CA2: variants seen among roughly 807,000 people sequenced by gnomAD.
The protein encoded by CA2 is carbonic anhydrase 2.
CA2 carries 23 observed loss-of-function variants against 27.8 expected under a neutral mutation model. The ratio of observed to expected loss-of-function variants is 0.83; its 90% confidence interval spans 0.59 to 1.17. The LOEUF is 1.17. CA2 is among the 50% of genes most tolerant of loss of function. CA2 has a pLI of 0.00. For synonymous variants in CA2, 99 were observed against 114.9 expected (o/e 0.86, Z 0.88); for missense variants, 300 against 314.7 (o/e 0.95, Z 0.35).
chr8:85,464,010 C>T lies in CA2; in HGVS notation c.-72C>T. 4.8e-6 allele frequency: 7 copies of T among 1,469,514 alleles called. No homozygotes were observed. Among genetic ancestry groups the T allele is most frequent in the Non-Finnish European group, 6.5e-6 (7 of 1,084,522 alleles). 91.0% of individuals were successfully genotyped at this position (1,469,514 alleles called of 1,614,324 possible). On this transcript the variant is annotated 5_prime_UTR_variant, in exon 1 of 7. Coordinates refer to ENST00000285379, the MANE Select transcript of CA2 (RefSeq NM_000067.3). ...GGTGCCGGCGCGACCCGCGGACACA[C>T]AGTGCAGGCGCCCAAGCCGCCGCCG...
In CA2 at chr8:85,475,778, C is replaced by A; in HGVS notation, c.445-20C>A. 1.2e-6 allele frequency: 2 copies of A among 1,610,852 alleles called. No homozygotes were observed. Among genetic ancestry groups the A allele is most frequent in the South Asian group, 2.2e-5 (2 of 90,994 alleles). On this transcript the variant is annotated intron_variant, in intron 4 of 6. Transcript: ENST00000285379. ...GTACCAACTGGGTGATAGTATCTTG[C>A]CCTTTATGTTTTTCTTTAGGTTGGC... is the stretch of plus-strand genomic sequence containing the variant.
Position 85,480,545 on chromosome 8 carries a change from AG to A in CA2, c.664-124del, listed in dbSNP as rs1811873605. ...CCCGCCTCATGCCTCAGCCTTACAA[AG>A]TGCTGGGATTACAGGCATGAGCCAC... On this transcript the variant is annotated intron_variant, in intron 6 of 6. Coordinates refer to ENST00000285379, the MANE Select transcript of CA2 (RefSeq NM_000067.3). The A allele has an allele frequency of 2.0e-5, 18 of 914,916 alleles. No homozygotes were observed. In the South Asian group the frequency reaches 2.4e-4, roughly 12 times the overall value. 56.7% of individuals were successfully genotyped at this position (914,916 alleles called of 1,614,324 possible). A position where few individuals can be genotyped will look rare whatever the true frequency, so the allele number is the denominator to read the frequency against.
rs370524498 is a variant in CA2 at position 85,478,080 on chromosome 8, A to G, written c.663+805A>G. Among the ~76,000 whole-genome samples the G allele has an allele frequency of 1.8e-4, 27 of 152,358 alleles. No homozygotes were observed. The South Asian group carries it at 3.5e-3, about 20-fold the overall frequency. ...TAGAGGTTTAGAGCTGCAATGTGCA[A>G]TAGAGATCATGTTGTCCAACTTTCT... On this transcript the variant is annotated intron_variant, in intron 6 of 6. Coordinates refer to ENST00000285379, the MANE Select transcript of CA2 (RefSeq NM_000067.3).
At chr8:85,480,429 G>T (rs1314292393) in intron 6 of CA2, among the ~76,000 whole-genome samples, 4 of 98,706 alleles carry the variant, frequency 4.1e-5, no homozygotes, top group Non-Finnish European at 6.4e-5. Context: ...TTTAATTTTT[G>T]TGTGTGTGTG....
chr8:85,480,445 G>GTGTGTT (rs1554548325), intron 6 of CA2, among the ~76,000 whole-genome samples: 1 of 144,496 alleles, frequency 6.9e-6, no homozygotes, highest in African/African-American at 2.6e-5. Context: ...GTGTGTGTGT[G>GTGTGTT]TTTTTTTTTT....
Position 85,475,432 on chromosome 8 carries a change from G to A in CA2, c.445-366G>A, listed in dbSNP as rs376256931. ...AGAGAGATTTGGGTTGCTGGAAGGCGTAGGGAAAGCCAAAGAAGAAAATAA... is the reference window on the plus strand; with the variant it reads ...AGAGAGATTTGGGTTGCTGGAAGGCATAGGGAAAGCCAAAGAAGAAAATAA... On this transcript the variant is annotated intron_variant, in intron 4 of 6. Transcript: ENST00000285379. Among the ~76,000 whole-genome samples, 29 of 149,810 alleles carry A rather than the reference G, an allele frequency of 1.9e-4. No homozygotes were observed. The South Asian group carries it at 3.6e-3, about 19-fold the overall frequency.
rs1355262498 is a variant in CA2 at position 85,477,220 on chromosome 8, T to A, written c.608T>A (p.Leu203Gln). Residue 203 changes from leucine to glutamine, a missense_variant, in exon 6 of 7, where the codon CTG becomes CAG. Transcript: ENST00000285379. ...GGCTCACTGACCACCCCTCCTCTTCTGGAATGTGTGACCTGGATTGTGCTC... is the reference window on the plus strand; with the variant it reads ...GGCTCACTGACCACCCCTCCTCTTCAGGAATGTGTGACCTGGATTGTGCTC... Reference protein sequence around the residue: ...YPGSLTTPPLLECVTWIVLKE... With the variant: ...YPGSLTTPPLQECVTWIVLKE... The A allele has an allele frequency of 1.2e-6, 2 of 1,614,080 alleles. No homozygotes were observed. Among genetic ancestry groups the A allele is most frequent in the Admixed American group, 3.3e-5 (2 of 60,000 alleles).
chr8:85,465,326 C>T lies in CA2; in HGVS notation c.89C>T (p.Pro30Leu). Residue 30 changes from proline to leucine, a missense_variant, in exon 2 of 7, where the codon CCT becomes CTT. This residue lies in a region of CA2 where 122 missense variants were observed against 133.2 expected (regional missense o/e 0.92). Coordinates refer to ENST00000285379, the MANE Select transcript of CA2 (RefSeq NM_000067.3). The part of the protein sequence containing the change: ...FPIAKGERQS[P>L]VDIDTHTAKY... ...ATTGCCAAGGGAGAGCGCCAGTCCCCTGTTGACATCGACACTCATACAGCC... is the reference window on the plus strand; with the variant it reads ...ATTGCCAAGGGAGAGCGCCAGTCCCTTGTTGACATCGACACTCATACAGCC... 6.2e-7 allele frequency: 1 copy of T among 1,614,232 alleles called. No homozygotes were observed. The highest frequency in any genetic ancestry group is 8.5e-7 in the Non-Finnish European group (1 of 1,180,030).
rs1037147799 is a variant in CA2 at position 85,480,659 on chromosome 8, G to T, written c.664-11G>T. ...AAACATTAATTATCAATGTTTTATTGTGTCTTTTAGGTGTTGAAATTCCGT... is the reference window on the plus strand; with the variant it reads ...AAACATTAATTATCAATGTTTTATTTTGTCTTTTAGGTGTTGAAATTCCGT... On this transcript the variant is annotated splice_polypyrimidine_tract_variant and intron_variant, in intron 6 of 6. Transcript: ENST00000285379. 6.2e-6 allele frequency: 10 copies of T among 1,609,772 alleles called. No individual in the cohort carries two copies. Among genetic ancestry groups the T allele is most frequent in the Non-Finnish European group, 8.5e-6 (10 of 1,176,194 alleles).
intron 2 of CA2, among the ~76,000 whole-genome samples, chr8:85,467,340 G>T (rs978049290): frequency 1.3e-5 from 2 of 152,192 alleles, no homozygotes; most frequent in Non-Finnish European, 2.9e-5. Flanking sequence ...GAGTAATACT[G>T]TCTAGGTTTT....
chr8:85,469,808 GTTA>G (rs1183210683), intron 2 of CA2, among the ~76,000 whole-genome samples: 1 of 130,432 alleles, frequency 7.7e-6, no homozygotes, highest in Non-Finnish European at 1.7e-5. Flanking sequence ...AAATCTGTTT[GTTA>G]TTTCAAGAAA....
At chr8:85,479,449 G>T (rs1811855195) in intron 6 of CA2, among the ~76,000 whole-genome samples, 1 of 152,212 alleles carries the variant, frequency 6.6e-6, no homozygotes, top group African/African-American at 2.4e-5. Flanking sequence ...CTCTACGGGG[G>T]TGATTGAGGG....
intron 6 of CA2, among the ~76,000 whole-genome samples, chr8:85,479,370 C>G (rs991951050): frequency 7.9e-5 from 12 of 152,128 alleles, no homozygotes; most frequent in Admixed American, 7.2e-4. Context: ...CCCTATATAT[C>G]CTTAGAATGC....
chr8:85,464,217 AT>A, intron 1 of CA2, 102 bp downstream of exon 1: 2 of 1,132,968 alleles, frequency 1.8e-6, no homozygotes, highest in South Asian at 3.0e-5. Context: ...GCGCCCGCAC[AT>A]GCTGTTTACC....
intron 2 of CA2, among the ~76,000 whole-genome samples, chr8:85,470,974 T>A (rs1189275420): frequency 6.6e-6 from 1 of 152,174 alleles, no homozygotes; most frequent in Non-Finnish European, 1.5e-5. Context: ...TTCTGCTATT[T>A]TTTAAAATTA....
chr8:85,473,147 A>G (rs1414904410), intron 2 of CA2, among the ~76,000 whole-genome samples: 4 of 152,182 alleles, frequency 2.6e-5, no homozygotes, highest in African/African-American at 7.2e-5. Context: ...GTTAAGATCA[A>G]TGGAATACTG....
chr8:85,480,561 G>A, intron 6 of CA2, 109 bp from the exon 7 acceptor site: 2 of 1,078,982 alleles, frequency 1.9e-6, no homozygotes, highest in South Asian at 2.6e-5. Flanking sequence ...GGGATTACAG[G>A]CATGAGCCAC....
chr8:85,464,490 A>G, intron 1 of CA2: 1 of 195,846 alleles, frequency 5.1e-6, no homozygotes, highest in South Asian at 1.6e-4. Flanking sequence ...GTAACGGAAA[A>G]TTCTAGTTGT....
rs116560429 is a variant in CA2, at chr8:85,476,489, C to T, written c.507+629C>T. ...TGAAATGCTCACTCACTGGCTTGAGCCCCTTGAATTCATAGAATAAACCTG... is the reference window on the plus strand; with the variant it reads ...TGAAATGCTCACTCACTGGCTTGAGTCCCTTGAATTCATAGAATAAACCTG... On this transcript the variant is annotated intron_variant, in intron 5 of 6. Transcript: ENST00000285379. 5.0e-3 allele frequency among the ~76,000 whole-genome samples: 763 copies of T among 152,292 alleles called. 8 individuals are homozygous for T. The highest frequency in any genetic ancestry group is 0.017 in the African/African-American group (727 of 41,548).
Sources: allele counts gnomAD v4.1 joint callset (sites outside exome capture counted in the v4.1 genomes callset), GRCh38; gene constraint gnomAD v4.1.1; regional missense constraint gnomAD v4.1.1; transcripts MANE v1.5; gene names NCBI Gene and HGNC (gene_info 2026-07-23, HGNC 2026-07-21).